MEGF11: variants seen among roughly 807,000 people sequenced by gnomAD.
MEGF11 encodes the protein multiple epidermal growth factor-like domains protein 11.
In MEGF11, 126 loss-of-function variants were observed where a neutral mutation model predicts 146.6. That is an observed-to-expected ratio of 0.86 (90% CI 0.74 to 1.00). The LOEUF (loss-of-function observed/expected upper bound fraction) is 1.00, where lower values mean the gene tolerates loss of function less well. Among genes scored for constraint, MEGF11 ranks in the 50% least tolerant of loss-of-function variants. The pLI, the probability that MEGF11 is intolerant of heterozygous loss-of-function variation, is 0.00. For missense variants in MEGF11, 1,509 were observed against 1,521.2 expected (o/e 0.99, Z 0.13); for synonymous variants, 532 against 583.4 (o/e 0.91, Z 1.27).
In MEGF11 at chr15:65,982,635, G is replaced by A; in HGVS notation, c.395-147C>T. 4.3e-6 allele frequency: 4 copies of A among 931,000 alleles called. No individual in the cohort carries two copies. The highest frequency in any genetic ancestry group is 6.0e-6 in the Non-Finnish European group (4 of 661,700). The allele number at this position is 931,000 out of a possible 1,614,324, so 57.7% of individuals were successfully genotyped here. A position where few individuals can be genotyped will look rare whatever the true frequency, so the allele number is the denominator to read the frequency against. On this transcript the variant is annotated intron_variant, in intron 5 of 25. Transcript: ENST00000395614. This position sits in a 1 kb window ranked among gnomAD's most constrained non-coding sequence, Gnocchi z 5.6. ...GCAAGGGGTGCCTGGAAGCTTTGGT[G>A]CCTCATAACCTGCATCAGTTCTTCC...
chr15:66,024,992 C>T (rs191367028), intron 5 of MEGF11, among the ~76,000 whole-genome samples: 80 of 152,204 alleles, frequency 5.3e-4, no homozygotes, highest in African/African-American at 1.9e-3. Context: ...CCTCCCCCAC[C>T]CCTGTTAATG....
At chr15:65,951,826 C>A (rs1191463077) in intron 10 of MEGF11, among the ~76,000 whole-genome samples, 1 of 152,058 alleles carries the variant, frequency 6.6e-6, no homozygotes, top group Non-Finnish European at 1.5e-5. Flanking sequence ...TAGTGAGACT[C>A]CATCTCTACA....
chr15:66,143,293 C>T (rs1266703119), intron 1 of MEGF11, among the ~76,000 whole-genome samples: 1 of 152,214 alleles, frequency 6.6e-6, no homozygotes, highest in Non-Finnish European at 1.5e-5. Flanking sequence ...ACCATGCTCC[C>T]AAGAAAGGGA....
At chr15:66,237,992 A>G (rs926369053) in intron 1 of MEGF11, among the ~76,000 whole-genome samples, 6 of 152,222 alleles carry the variant, frequency 3.9e-5, no homozygotes, top group South Asian at 2.1e-4. Context: ...ATTCGATGCA[A>G]TATCTATACT....
chr15:66,114,552 A>G (rs984082655), intron 4 of MEGF11, among the ~76,000 whole-genome samples: 6 of 152,224 alleles, frequency 3.9e-5, no homozygotes, highest in African/African-American at 1.4e-4. Context: ...ACTCTACTAC[A>G]TATGTGAAAG....
At chr15:66,043,619 A>G (rs2084079795) in intron 5 of MEGF11, among the ~76,000 whole-genome samples, 1 of 152,254 alleles carries the variant, frequency 6.6e-6, no homozygotes, top group Admixed American at 6.5e-5. Context: ...CAATCTAAGG[A>G]ACGTCCTACC....
intron 1 of MEGF11, among the ~76,000 whole-genome samples, chr15:66,189,597 C>T (rs1446355814): frequency 6.6e-6 from 1 of 152,042 alleles, no homozygotes; most frequent in Non-Finnish European, 1.5e-5. Context: ...TGAGAGGGGG[C>T]GCAGGAGAGG....
At chr15:66,160,933 T>C (rs1478209829) in intron 1 of MEGF11, among the ~76,000 whole-genome samples, 2 of 151,924 alleles carry the variant, frequency 1.3e-5, no homozygotes, top group African/African-American at 2.4e-5. Flanking sequence ...TGAGCCTAAG[T>C]AGGTGAGGGA....
At chr15:65,935,519 G>T (rs2079750353) in intron 10 of MEGF11, among the ~76,000 whole-genome samples, 1 of 152,128 alleles carries the variant, frequency 6.6e-6, no homozygotes, top group African/African-American at 2.4e-5. Context: ...CTGCAGAATT[G>T]ATTGATTGCT....
intron 1 of MEGF11, among the ~76,000 whole-genome samples, chr15:66,148,084 C>T (rs187362062): frequency 7.2e-5 from 11 of 152,128 alleles, no homozygotes; most frequent in Admixed American, 2.6e-4. Flanking sequence ...CCTGTATTTA[C>T]GAAGCCAATA....
intron 5 of MEGF11, among the ~76,000 whole-genome samples, chr15:66,051,967 C>T (rs537276706): frequency 4.6e-5 from 7 of 152,278 alleles, no homozygotes; most frequent in African/African-American, 1.2e-4. Flanking sequence ...GCCATTATGG[C>T]GGCCATAACT....
intron 10 of MEGF11, among the ~76,000 whole-genome samples, chr15:65,956,005 T>C (rs2080619742): frequency 6.6e-6 from 1 of 151,786 alleles, no homozygotes; most frequent in Admixed American, 6.6e-5. Context: ...GCAACCTGGC[T>C]TTAAAAGACA....
intron 1 of MEGF11, among the ~76,000 whole-genome samples, chr15:66,170,967 T>C (rs1235902697): frequency 1.3e-5 from 2 of 152,218 alleles, no homozygotes; most frequent in African/African-American, 4.8e-5. Context: ...AAAGGTGGAC[T>C]TGATGGATGT....
chr15:66,201,398 G>A (rs1345081557), intron 1 of MEGF11, among the ~76,000 whole-genome samples: 3 of 152,124 alleles, frequency 2.0e-5, no homozygotes, highest in African/African-American at 7.2e-5. Context: ...AGATTGTTGG[G>A]GTAGGGAGGG....
At chr15:65,912,314 G>T (rs933987238) in intron 20 of MEGF11, 114 bp from the exon 21 acceptor site, 8 of 550,172 alleles carry the variant, frequency 1.5e-5, no homozygotes, top group African/African-American at 1.2e-4. Context: ...AGACAAACAG[G>T]CAAGTACCCC....
Position 66,048,146 on chromosome 15 carries a change from A to T in MEGF11, c.394+46256T>A, listed in dbSNP as rs569421263. The stretch of plus-strand genomic sequence containing the variant: ...TTTTTAGTAGAGGCAGGGTTTCACC[A>T]TGTTGGCCAGGCTGCTCTTGAATTC... On this transcript the variant is annotated intron_variant, in intron 5 of 25. Transcript: ENST00000395614. 3.9e-5 allele frequency among the ~76,000 whole-genome samples: 6 copies of T among 152,250 alleles called. No homozygotes were observed. The South Asian group carries it at 1.0e-3, about 26-fold the overall frequency.
chr15:66,002,833 G>C (rs530355566), intron 5 of MEGF11, among the ~76,000 whole-genome samples: 1 of 152,144 alleles, frequency 6.6e-6, no homozygotes, highest in African/African-American at 2.4e-5. Flanking sequence ...TATTAGAACT[G>C]CAGAACCTGA....
chr15:66,083,846 G>T (rs1331363519), intron 5 of MEGF11, among the ~76,000 whole-genome samples: 1 of 152,196 alleles, frequency 6.6e-6, no homozygotes, highest in African/African-American at 2.4e-5. Flanking sequence ...GAGCCTGGGA[G>T]ATCAAGGCTG....
chr15:66,187,699 T>G lies in MEGF11; in HGVS notation c.-8-59288A>C, dbSNP rs576925588. ...TGGAACAGAGAGAAAAATGCCAAAA[T>G]TGGCCAGGGTCGTGGGGCTTGATCT... On this transcript the variant is annotated intron_variant, in intron 1 of 25. Coordinates refer to ENST00000395614, the MANE Select transcript of MEGF11 (RefSeq NM_001385028.1). 1.2e-3 allele frequency among the ~76,000 whole-genome samples: 158 copies of G among 128,098 alleles called. 1 individual carries two copies. Among genetic ancestry groups the G allele is most frequent in the South Asian group, 0.01 (44 of 4,202 alleles). 84.0% of individuals were successfully genotyped at this position (128,098 alleles called of 152,430 possible).
Sources: allele counts gnomAD v4.1 joint callset (sites outside exome capture counted in the v4.1 genomes callset), GRCh38; gene constraint gnomAD v4.1.1; non-coding constraint Gnocchi (gnomAD v3.1); transcripts MANE v1.5; gene names NCBI Gene and HGNC (gene_info 2026-07-23, HGNC 2026-07-21).